XPA: variants seen among roughly 807,000 people sequenced by gnomAD.
XPA encodes XPA, DNA damage recognition and repair factor.
In XPA, 27 loss-of-function variants were observed where a neutral mutation model predicts 35.7. That is an observed-to-expected ratio of 0.76 (90% CI 0.56 to 1.04). The LOEUF is 1.04. Among genes scored for constraint, XPA ranks in the 50% least tolerant of loss-of-function variants. The pLI, the probability that XPA is intolerant of heterozygous loss-of-function variation, is 0.00. For missense variants in XPA, 354 were observed against 342.7 expected, an observed-to-expected ratio of 1.03 and a Z score of -0.26; for synonymous variants, 133 against 118.4, an observed-to-expected ratio of 1.12 and a Z score of -0.80.
intron 5 of XPA, among the ~76,000 whole-genome samples, 183 bp downstream of exon 5, chr9:97,684,740 T>C (rs1168100726): frequency 6.6e-6 from 1 of 152,198 alleles, no homozygotes; most frequent in East Asian, 1.9e-4. Context: ...AATGTCGTAC[T>C]GTGAGGTTTG....
At chr9:97,667,127 A>C in the XPA span, among the ~76,000 whole-genome samples, 136 of 152,252 alleles carry the variant, frequency 8.9e-4, 2 homozygotes, top group South Asian at 0.028. Flanking sequence ...ATAGTTCACT[A>C]TCTCTGGGTC....
chr9:97,661,310 A>C, the XPA span, among the ~76,000 whole-genome samples: 6 of 152,222 alleles, frequency 3.9e-5, no homozygotes, highest in South Asian at 4.1e-4. Flanking sequence ...ATATGTTACC[A>C]TTCAAGGATT....
the XPA span, chr9:97,666,788 T>A: frequency 6.2e-7 from 1 of 1,605,230 alleles, no homozygotes; most frequent in Non-Finnish European, 8.5e-7. Context: ...AATTTTGCAC[T>A]CTACAATTCG....
chr9:97,669,465 A>C, the XPA span: 2 of 637,970 alleles, frequency 3.1e-6, no homozygotes, highest in Non-Finnish European at 5.6e-6. Context: ...TGAATAATGG[A>C]AGCTAGGCAC....
At chr9:97,689,265 C>A (rs979142110) in intron 3 of XPA, among the ~76,000 whole-genome samples, 12 of 150,542 alleles carry the variant, frequency 8.0e-5, no homozygotes, top group Non-Finnish European at 1.0e-4. Flanking sequence ...AAAACAAAAA[C>A]AAAAAAAAAC....
the XPA span, among the ~76,000 whole-genome samples, chr9:97,664,934 A>C: frequency 6.6e-6 from 1 of 152,174 alleles, no homozygotes; most frequent in Non-Finnish European, 1.5e-5. Flanking sequence ...CACAGTCATA[A>C]TCTTAGGTTT....
rs779912540 is a variant in XPA at position 97,697,267 on chromosome 9, G to A, written c.26C>T (p.Pro9Leu). 10 of 1,599,026 alleles carry A rather than the reference G, an allele frequency of 6.3e-6. No individual in the cohort carries two copies. Among genetic ancestry groups the A allele is most frequent in the African/African-American group, 5.4e-5 (4 of 74,690 alleles). The part of the protein sequence containing the change: MAAADGAL[P>L]EAAALEQPAE... ...GGGTTGCTCTAAAGCCGCCGCCTCC[G>A]GCAAAGCCCCGTCGGCCGCCGCCAT... Residue 9 changes from proline to leucine, a missense_variant, in exon 1 of 6, where the codon CCG becomes CTG. Coordinates refer to ENST00000375128, the MANE Select transcript of XPA (RefSeq NM_000380.4).
At chr9:97,664,976 C>T in the XPA span, among the ~76,000 whole-genome samples, 1 of 152,148 alleles carries the variant, frequency 6.6e-6, no homozygotes, top group Non-Finnish European at 1.5e-5. Context: ...CCTCATTCCC[C>T]CTAACGGAAA....
At chr9:97,692,021 A>G (rs1828907605) in intron 2 of XPA, among the ~76,000 whole-genome samples, 3 of 151,812 alleles carry the variant, frequency 2.0e-5, no homozygotes, top group Admixed American at 1.3e-4. Context: ...GGCCAGGTGC[A>G]GTGGCTCACG....
intron 5 of XPA, among the ~76,000 whole-genome samples, chr9:97,684,271 TACAG>T (rs1482998380): frequency 6.6e-6 from 1 of 152,028 alleles, no homozygotes; most frequent in Non-Finnish European, 1.5e-5. Flanking sequence ...TGGATGAACA[TACAG>T]ACAGACTTAA....
chr9:97,661,905 ATTGT>A, the XPA span: 23 of 503,160 alleles, frequency 4.6e-5, no homozygotes, highest in East Asian at 5.6e-4. Context: ...ACGGTCTTTT[ATTGT>A]TTATTAGAAC....
the XPA span, chr9:97,656,031 A>G: frequency 9.3e-6 from 15 of 1,613,926 alleles, no homozygotes; most frequent in East Asian, 8.9e-5. Context: ...CTTAGTCAAG[A>G]TCCTGAAAGT....
the XPA span, chr9:97,655,608 C>A: frequency 1.1e-6 from 1 of 930,340 alleles, no homozygotes; most frequent in Non-Finnish European, 1.6e-6. Context: ...TCTGTAAAGT[C>A]GGGTTTTATC....
At chr9:97,671,351 C>T (rs1383695723), downstream of XPA, 1 of 574,456 alleles carries the variant, frequency 1.7e-6, no homozygotes, top group African/African-American at 1.9e-5. Flanking sequence ...CATGGCATTA[C>T]TTTTAATTGC....
At chr9:97,663,067 A>G in the XPA span, 1 of 1,560,266 alleles carries the variant, frequency 6.4e-7, no homozygotes, top group South Asian at 1.1e-5. Flanking sequence ...ATTTAATTAG[A>G]CATGTTGAAG....
the XPA span, chr9:97,669,503 G>T: frequency 1.2e-6 from 1 of 807,496 alleles, no homozygotes. Flanking sequence ...GGTGGAACAG[G>T]CAATACTTTG....
chr9:97,687,521 G>A (rs960561981), intron 3 of XPA, among the ~76,000 whole-genome samples: 1 of 152,076 alleles, frequency 6.6e-6, no homozygotes, highest in Admixed American at 6.6e-5. Context: ...CTAGGGCAGG[G>A]GTGTATTTTG....
chr9:97,669,015 A>G, the XPA span: 177 of 1,532,088 alleles, frequency 1.2e-4, 1 homozygote, highest in Non-Finnish European at 2.5e-5. Flanking sequence ...AGGAAACAAT[A>G]CATTTCTTTA....
chr9:97,661,035 G>A, the XPA span: 3 of 1,612,844 alleles, frequency 1.9e-6, no homozygotes, highest in Non-Finnish European at 2.5e-6. Context: ...CATTCTGAAA[G>A]ATGTACCAAA....
Sources: gnomAD v4.1 joint callset for allele counts (sites outside exome capture counted in the v4.1 genomes callset) on GRCh38, gnomAD v4.1.1 for gene constraint, MANE v1.5 for transcripts, NCBI Gene and HGNC (gene_info 2026-07-23, HGNC 2026-07-21) for gene names.